The following DOCK9 variants were observed in gnomAD, a reference collection of about 807,000 sequenced individuals.
DOCK9 encodes dedicator of cytokinesis 9.
Under a neutral mutation model 263.3 loss-of-function variants are expected in DOCK9, and 89 were observed. That is an observed-to-expected ratio of 0.34 (90% CI 0.28 to 0.40). The LOEUF is 0.40. Ranked by LOEUF, DOCK9 falls within the 10% of genes least tolerant of loss-of-function variation. DOCK9 has a pLI of 1.00. For synonymous variants in DOCK9, 976 were observed against 973.1 expected (o/e 1.00, Z -0.06); for missense variants, 2,140 against 2,603.4 (o/e 0.82, Z 3.87).
chr13:98,901,103 G>A (rs564249252), intron 13 of DOCK9, among the ~76,000 whole-genome samples: 1 of 152,336 alleles, frequency 6.6e-6, no homozygotes, highest in South Asian at 2.1e-4. Context: ...CCCCCTGGCA[G>A]CTCCAGCCAT....
intron 1 of DOCK9, among the ~76,000 whole-genome samples, chr13:99,061,763 A>G (rs1242115726): frequency 6.6e-6 from 1 of 152,072 alleles, no homozygotes; most frequent in Non-Finnish European, 1.5e-5. Flanking sequence ...ATGCCTTTCT[A>G]TCCCATTCCG....
At chr13:98,919,611 T>A (rs1470970320) in intron 7 of DOCK9, among the ~76,000 whole-genome samples, 1 of 152,214 alleles carries the variant, frequency 6.6e-6, no homozygotes, top group East Asian at 1.9e-4. Flanking sequence ...TAATGGTGAC[T>A]GAATCTTTTG....
chr13:98,830,153 G>C (rs1169879574), intron 41 of DOCK9, among the ~76,000 whole-genome samples: 1 of 152,204 alleles, frequency 6.6e-6, no homozygotes, highest in Admixed American at 6.5e-5. Flanking sequence ...ACTGTCCTTT[G>C]CAATACTTTA....
intron 2 of DOCK9, among the ~76,000 whole-genome samples, chr13:98,944,361 G>A (rs1296599514): frequency 5.4e-5 from 6 of 111,958 alleles, no homozygotes; most frequent in African/African-American, 1.8e-4. Flanking sequence ...CAAAAATCAC[G>A]TCACAGTGTC....
chr13:99,026,902 CTAACAGAGTACTCTAGCAGAGTACCTT>C (rs1337360362), intron 1 of DOCK9, among the ~76,000 whole-genome samples: 1 of 152,200 alleles, frequency 6.6e-6, no homozygotes, highest in Non-Finnish European at 1.5e-5. Context: ...CAGAGTACCT[CTAACAGAGTACTCTAGCAGAGTACCTT>C]TAACAGTGTG....
At chr13:98,959,041 T>C (rs1231352479) in intron 1 of DOCK9, among the ~76,000 whole-genome samples, 1 of 152,234 alleles carries the variant, frequency 6.6e-6, no homozygotes, top group African/African-American at 2.4e-5. Context: ...AAGGTGTTTT[T>C]ACTGTCACAA....
intron 1 of DOCK9, among the ~76,000 whole-genome samples, chr13:98,963,144 G>A (rs138705436): frequency 2.8e-4 from 42 of 152,210 alleles, no homozygotes; most frequent in African/African-American, 7.7e-4. Flanking sequence ...AGCATGGCGC[G>A]CCTCTAGCAA....
At position 98,885,850 on chromosome 13, in the gene DOCK9, TAAC is replaced by T; in HGVS notation, c.2137-22_2137-20del. 1 of 1,589,370 alleles carries T rather than the reference TAAC, an allele frequency of 6.3e-7. No individual in the cohort carries two copies. Among genetic ancestry groups the T allele is most frequent in the Non-Finnish European group, 8.5e-7 (1 of 1,171,448 alleles). ...TTTTAATCTGCAAGGGAAGACAAAA[TAAC>T]AACAAAATATTCTAAAAACACAGAA... is the stretch of plus-strand genomic sequence containing the variant. On this transcript the variant is annotated intron_variant, in intron 19 of 52. Coordinates refer to ENST00000682017, the MANE Select transcript of DOCK9 (RefSeq NM_001366683.2).
intron 2 of DOCK9, 40 bp downstream of exon 2, chr13:98,955,395 A>G: frequency 1.5e-6 from 2 of 1,362,408 alleles, no homozygotes; most frequent in Non-Finnish European, 2.0e-6. Flanking sequence ...TGTTAAGATC[A>G]AACACGTGGT....
At chr13:99,050,726 C>T (rs2040652683) in intron 1 of DOCK9, among the ~76,000 whole-genome samples, 1 of 152,006 alleles carries the variant, frequency 6.6e-6, no homozygotes, top group African/African-American at 2.4e-5. Context: ...TCATAAGCAC[C>T]CACCATGTTG....
intron 2 of DOCK9, among the ~76,000 whole-genome samples, chr13:98,933,741 C>T (rs1383975158): frequency 6.6e-6 from 1 of 152,238 alleles, no homozygotes; most frequent in South Asian, 2.1e-4. Context: ...GCTATCCTTC[C>T]TCGTCTATGC....
intron 22 of DOCK9, 143 bp from the exon 23 acceptor site, chr13:98,883,274 G>GCAAGAC: frequency 1.3e-6 from 1 of 775,930 alleles, no homozygotes; most frequent in Non-Finnish European, 2.0e-6. Flanking sequence ...TTGAGACAGA[G>GCAAGAC]TCTTGCTCTG....
chr13:98,868,112 A>G, intron 28 of DOCK9, 101 bp from the exon 29 acceptor site: 2 of 1,532,360 alleles, frequency 1.3e-6, no homozygotes, highest in South Asian at 1.2e-5. Flanking sequence ...CCACTGACAT[A>G]AAAAACATGC....
intron 1 of DOCK9, among the ~76,000 whole-genome samples, chr13:98,966,978 G>A (rs928032172): frequency 3.9e-5 from 6 of 152,242 alleles, no homozygotes; most frequent in Non-Finnish European, 8.8e-5. Flanking sequence ...CTCTGAGGTT[G>A]GGGCCTCACA....
chr13:99,084,318 T>G (rs1489057883), intron 1 of DOCK9, among the ~76,000 whole-genome samples: 4 of 152,202 alleles, frequency 2.6e-5, no homozygotes, highest in Non-Finnish European at 5.9e-5. Flanking sequence ...ATTTCCTATT[T>G]CCCATTCAGC....
chr13:98,927,366 T>G (rs1352451696), intron 3 of DOCK9, among the ~76,000 whole-genome samples: 1 of 152,174 alleles, frequency 6.6e-6, no homozygotes, highest in Non-Finnish European at 1.5e-5. Context: ...CTACTGCCCC[T>G]AGGTCCACTG....
At chr13:98,822,774 T>C (rs1335760588) in intron 45 of DOCK9, among the ~76,000 whole-genome samples, 1 of 152,234 alleles carries the variant, frequency 6.6e-6, no homozygotes, top group Non-Finnish European at 1.5e-5. Context: ...TCTATTTCTT[T>C]TTTTGTAGGA....
rs199738120 is a variant in DOCK9 at position 98,885,835 on chromosome 13, C to G, written c.2137-4G>C. On this transcript the variant is annotated splice_region_variant and splice_polypyrimidine_tract_variant and intron_variant, in intron 19 of 52. Transcript: ENST00000682017. ...GAGTGGGCAACTCTATTTTAATCTG[C>G]AAGGGAAGACAAAATAACAACAAAA... 6.9e-6 allele frequency: 11 copies of G among 1,593,910 alleles called. No individual in the cohort carries two copies. The African/African-American group carries it at 1.1e-4, about 16-fold the overall frequency.
intron 2 of DOCK9, among the ~76,000 whole-genome samples, chr13:98,936,932 T>C (rs1418033577): frequency 6.6e-6 from 1 of 152,244 alleles, no homozygotes; most frequent in Admixed American, 6.5e-5. Flanking sequence ...TCCAAGTCAA[T>C]ACTAAGAGAT....
Sources: gnomAD v4.1 joint callset for allele counts (sites outside exome capture counted in the v4.1 genomes callset) on GRCh38, gnomAD v4.1.1 for gene constraint, MANE v1.5 for transcripts, NCBI Gene and HGNC (gene_info 2026-07-23, HGNC 2026-07-21) for gene names.